The following TANC2 variants were observed in gnomAD, a reference collection of about 807,000 sequenced individuals.
TANC2 encodes the protein protein TANC2.
TANC2 carries 26 observed loss-of-function variants against 210.5 expected under a neutral mutation model. The observed-to-expected ratio is 0.12, with a 90% CI of 0.09 to 0.17. TANC2 has a LOEUF of 0.17. Ranked by LOEUF, TANC2 falls within the 10% of genes least tolerant of loss-of-function variation. The probability of loss-of-function intolerance (pLI) is 1.00; values close to 1 mark genes in which losing one functional copy is unlikely to be tolerated. For missense variants in TANC2, 2,129 were observed against 2,608.9 expected (o/e 0.82, Z 4.01); for synonymous variants, 931 against 967.1 (o/e 0.96, Z 0.69).
At chr17:63,033,556 C>G (rs2034857263) in intron 2 of TANC2, among the ~76,000 whole-genome samples, 1 of 152,088 alleles carries the variant, frequency 6.6e-6, no homozygotes, top group Admixed American at 6.6e-5. Context: ...TTTAGAAGCT[C>G]TGTGTCAGGA....
chr17:63,254,186 A>T (rs1311277613), intron 8 of TANC2, among the ~76,000 whole-genome samples: 2 of 151,842 alleles, frequency 1.3e-5, no homozygotes, highest in Non-Finnish European at 1.5e-5. Flanking sequence ...TTTTAGTTGT[A>T]GAGATCTTTC....
At chr17:63,361,939 C>T (rs576953738) in intron 14 of TANC2, among the ~76,000 whole-genome samples, 127 of 152,348 alleles carry the variant, frequency 8.3e-4, no homozygotes, top group African/African-American at 3.0e-3. Context: ...TGAGTAGCTC[C>T]TATGCACAGG....
chr17:63,410,344 C>A (rs887971564), intron 21 of TANC2, among the ~76,000 whole-genome samples: 1 of 142,574 alleles, frequency 7.0e-6, no homozygotes, highest in Non-Finnish European at 1.5e-5. Context: ...CAATCCCCCC[C>A]CCCCATCTCC....
At position 63,321,047 on chromosome 17, in the gene TANC2, A is replaced by T. The variant is rs565100366; in HGVS notation, c.1575+1957A>T. On this transcript the variant is annotated intron_variant, in intron 11 of 27. Transcript: ENST00000689528. ...AGCCCCATCTCCAAAAAAATACAAA[A>T]ATTAGCCAGGTGTGGTAGCATGTGC... 4.6e-5 allele frequency among the ~76,000 whole-genome samples: 7 copies of T among 152,166 alleles called. No homozygotes were observed. In the South Asian group the frequency reaches 1.5e-3, roughly 32 times the overall value.
chr17:63,402,006 G>A (rs2048358798), intron 19 of TANC2, among the ~76,000 whole-genome samples: 1 of 152,134 alleles, frequency 6.6e-6, no homozygotes, highest in East Asian at 1.9e-4. Context: ...GTCTTTTTAA[G>A]CCATAGTCTG....
chr17:63,119,024 C>T (rs551687590), intron 4 of TANC2, among the ~76,000 whole-genome samples: 7 of 152,150 alleles, frequency 4.6e-5, no homozygotes, highest in South Asian at 2.1e-4. Flanking sequence ...CCCCGTGATC[C>T]GCCCACCCCA....
intron 1 of TANC2, among the ~76,000 whole-genome samples, chr17:63,001,210 T>A (rs1345131777): frequency 6.6e-6 from 1 of 152,218 alleles, no homozygotes; most frequent in East Asian, 1.9e-4. Flanking sequence ...TTAGAAGTTC[T>A]AAGTAAGCCT....
At chr17:63,027,188 TAAAC>T (rs2034586733) in intron 2 of TANC2, among the ~76,000 whole-genome samples, 1 of 152,162 alleles carries the variant, frequency 6.6e-6, no homozygotes, top group Non-Finnish European at 1.5e-5. Flanking sequence ...AGTATTAAGT[TAAAC>T]AATTTAAACT....
chr17:63,340,585 T>C (rs1374056747), intron 12 of TANC2, among the ~76,000 whole-genome samples: 1 of 152,222 alleles, frequency 6.6e-6, no homozygotes, highest in Non-Finnish European at 1.5e-5. Flanking sequence ...TTCCTTGTCC[T>C]GAAGATAGTA....
At chr17:63,080,505 C>T (rs1022248502) in intron 3 of TANC2, among the ~76,000 whole-genome samples, 2 of 152,256 alleles carry the variant, frequency 1.3e-5, no homozygotes, top group South Asian at 4.1e-4. Flanking sequence ...TGGGAAAATG[C>T]GGACGATGTG....
intron 9 of TANC2, among the ~76,000 whole-genome samples, chr17:63,270,219 A>G (rs1199430928): frequency 6.6e-6 from 1 of 152,152 alleles, no homozygotes; most frequent in African/African-American, 2.4e-5. Flanking sequence ...TCAAAAAGTA[A>G]CATGTTATCT....
intron 14 of TANC2, among the ~76,000 whole-genome samples, chr17:63,358,376 A>AGAGTGTGTGTGTGTGT (rs1470682571): frequency 1.1e-3 from 91 of 81,040 alleles, no homozygotes; most frequent in African/African-American, 3.2e-3. Flanking sequence ...AGAGAGAGAG[A>AGAGTGTGTGTGTGTGT]GTATGTGTGT....
intron 5 of TANC2, among the ~76,000 whole-genome samples, chr17:63,169,578 T>A (rs531313086): frequency 6.6e-6 from 1 of 152,078 alleles, no homozygotes; most frequent in South Asian, 2.1e-4. Flanking sequence ...TGTAATCCCA[T>A]CACTTTGGGA....
At chr17:63,225,468 A>C (rs1412645675) in intron 7 of TANC2, among the ~76,000 whole-genome samples, 1 of 152,174 alleles carries the variant, frequency 6.6e-6, no homozygotes, top group African/African-American at 2.4e-5. Context: ...CTGACTCTCT[A>C]TTCTCCTGAG....
intron 7 of TANC2, among the ~76,000 whole-genome samples, chr17:63,233,608 C>G (rs2042541261): frequency 6.6e-6 from 1 of 152,220 alleles, no homozygotes; most frequent in African/African-American, 2.4e-5. Flanking sequence ...GCAGGATTCA[C>G]TCACCATTTT....
chr17:63,206,765 G>T (rs774862934), intron 7 of TANC2, among the ~76,000 whole-genome samples: 2 of 152,172 alleles, frequency 1.3e-5, no homozygotes, highest in East Asian at 1.9e-4. Context: ...CAGAATTTCA[G>T]TTGGGGATGA....
intron 14 of TANC2, among the ~76,000 whole-genome samples, chr17:63,374,295 C>T (rs2047362197): frequency 6.6e-6 from 1 of 152,098 alleles, no homozygotes; most frequent in Non-Finnish European, 1.5e-5. Flanking sequence ...ACCTTGGCCT[C>T]CCAAAGTGCT....
intron 1 of TANC2, among the ~76,000 whole-genome samples, chr17:62,992,869 T>G (rs191637675): frequency 2.0e-5 from 3 of 152,374 alleles, no homozygotes; most frequent in East Asian, 3.9e-4. Context: ...TTAATACTTC[T>G]TACAGTTCTG....
chr17:63,160,878 G>T (rs1465570402), intron 5 of TANC2, among the ~76,000 whole-genome samples: 1 of 152,000 alleles, frequency 6.6e-6, no homozygotes, highest in African/African-American at 2.4e-5. Flanking sequence ...GAAGCCTTTT[G>T]TATCACTTTA....
Sources: allele counts gnomAD v4.1 joint callset (sites outside exome capture counted in the v4.1 genomes callset), GRCh38; gene constraint gnomAD v4.1.1; transcripts MANE v1.5; gene names NCBI Gene and HGNC (gene_info 2026-07-23, HGNC 2026-07-21).